Variants in PHLPP1 observed in about 807,000 individuals in gnomAD.
The protein encoded by PHLPP1 is PH domain leucine-rich repeat-containing protein phosphatase 1.
A neutral mutation model predicts 117.2 loss-of-function variants in PHLPP1; 42 were observed. The observed-to-expected ratio is 0.36, with a 90% CI of 0.28 to 0.46. PHLPP1 has a LOEUF of 0.46. Among genes scored for constraint, PHLPP1 ranks in the 20% least tolerant of loss-of-function variants. The pLI is 1.00. For synonymous variants in PHLPP1, 1,042 were observed against 970.7 expected (o/e 1.07, Z -1.37); for missense variants, 2,084 against 2,241.9 (o/e 0.93, Z 1.42).
At chr18:62,898,015 C>CTTCT (rs1555680486) in intron 6 of PHLPP1, among the ~76,000 whole-genome samples, 2 of 144,406 alleles carry the variant, frequency 1.4e-5, no homozygotes, top group African/African-American at 2.5e-5. Flanking sequence ...TTCCTCCTCC[C>CTTCT]TTCTCCTCTT....
At chr18:62,951,194 G>A (rs2144466066) in intron 12 of PHLPP1, among the ~76,000 whole-genome samples, 1 of 152,162 alleles carries the variant, frequency 6.6e-6, no homozygotes, top group African/African-American at 2.4e-5. Flanking sequence ...TGTTAGCCAG[G>A]ATGGTCTCAA....
Position 62,730,333 on chromosome 18 carries a change from C to T in PHLPP1, c.1576+13074C>T, listed in dbSNP as rs535829473. ...TAATGAATGAAAGTGTCTATGACGA[C>T]AGTACTAGTTCTTACACACCATCCC... On this transcript the variant is annotated intron_variant, in intron 1 of 16. Coordinates refer to ENST00000262719, the MANE Select transcript of PHLPP1 (RefSeq NM_194449.4). 1.8e-4 allele frequency among the ~76,000 whole-genome samples: 27 copies of T among 152,230 alleles called. 1 individual carries two copies. The East Asian group carries it at 4.2e-3, about 24-fold the overall frequency.
At chr18:62,753,255 A>T (rs1400754175) in intron 1 of PHLPP1, among the ~76,000 whole-genome samples, 1 of 152,196 alleles carries the variant, frequency 6.6e-6, no homozygotes, top group Non-Finnish European at 1.5e-5. Flanking sequence ...TGGGAAGCTG[A>T]TGACAAAAAA....
intron 3 of PHLPP1, among the ~76,000 whole-genome samples, chr18:62,846,626 G>T (rs1915189781): frequency 6.6e-6 from 1 of 151,542 alleles, no homozygotes; most frequent in Admixed American, 6.6e-5. Flanking sequence ...GTAGAAATAT[G>T]ACTGTAAGTT....
At chr18:62,805,841 A>C (rs1913934008) in intron 1 of PHLPP1, among the ~76,000 whole-genome samples, 1 of 151,836 alleles carries the variant, frequency 6.6e-6, no homozygotes. Flanking sequence ...GGCAGAGGTC[A>C]AGATTCTTTT....
At chr18:62,802,599 A>G (rs1913819321) in intron 1 of PHLPP1, among the ~76,000 whole-genome samples, 1 of 152,244 alleles carries the variant, frequency 6.6e-6, no homozygotes, top group Non-Finnish European at 1.5e-5. Flanking sequence ...GCTAAGTATC[A>G]TAGGTACTTA....
intron 1 of PHLPP1, among the ~76,000 whole-genome samples, chr18:62,726,414 T>A (rs111386574): frequency 0.011 from 1,666 of 152,074 alleles, 30 homozygotes; most frequent in African/African-American, 0.038. Flanking sequence ...CTAAGTCACT[T>A]ATATTTTCTT....
At chr18:62,754,885 A>G (rs1025921591) in intron 1 of PHLPP1, among the ~76,000 whole-genome samples, 1 of 152,176 alleles carries the variant, frequency 6.6e-6, no homozygotes, top group African/African-American at 2.4e-5. Flanking sequence ...AGTCCCAGCT[A>G]CTTGGAAGGG....
intron 13 of PHLPP1, among the ~76,000 whole-genome samples, chr18:62,962,242 G>A (rs1332624460): frequency 6.6e-6 from 1 of 152,230 alleles, no homozygotes; most frequent in East Asian, 1.9e-4. Context: ...GGCACAGAAT[G>A]CTTTCTAGAG....
At chr18:62,954,655 A>C (rs1910562030) in intron 12 of PHLPP1, among the ~76,000 whole-genome samples, 1 of 152,184 alleles carries the variant, frequency 6.6e-6, no homozygotes, top group African/African-American at 2.4e-5. Flanking sequence ...TCCTGTGTGC[A>C]GAAGTATAAA....
rs1909224880 is a variant in PHLPP1 at position 62,915,016 on chromosome 18, T to C, written c.2804+8T>C. The C allele has an allele frequency of 1.9e-6, 3 of 1,586,470 alleles. No homozygotes were observed. The highest frequency in any genetic ancestry group is 2.6e-6 in the Non-Finnish European group (3 of 1,158,326). Reference sequence around the variant, plus strand: ...ATGTGAACTTCCTGCCCGGTGAGTATTACAGATCAAATGAGAGGATCTCAC... The same window carrying C: ...ATGTGAACTTCCTGCCCGGTGAGTACTACAGATCAAATGAGAGGATCTCAC... On this transcript the variant is annotated splice_region_variant and intron_variant, in intron 9 of 16. Coordinates refer to ENST00000262719, the MANE Select transcript of PHLPP1 (RefSeq NM_194449.4).
chr18:62,959,730 C>T (rs1429838518), intron 13 of PHLPP1, among the ~76,000 whole-genome samples: 5 of 152,028 alleles, frequency 3.3e-5, no homozygotes, highest in South Asian at 4.2e-4. Context: ...GTGACTGGTC[C>T]GTTAATACTA....
At position 62,838,695 on chromosome 18, in the gene PHLPP1, A is replaced by T. The variant is rs189417373; in HGVS notation, c.1774-89A>T. 677 of 1,293,866 alleles carry T rather than the reference A, an allele frequency of 5.2e-4. 1 individual carries two copies. The highest frequency in any genetic ancestry group is 5.9e-4 in the Non-Finnish European group (532 of 904,454). 80.1% of individuals were successfully genotyped at this position (1,293,866 alleles called of 1,614,324 possible). A position where few individuals can be genotyped will look rare whatever the true frequency, so the allele number is the denominator to read the frequency against. On this transcript the variant is annotated intron_variant, in intron 2 of 16. Transcript: ENST00000262719. ...TATAGGGAAACATGCAAATCCATGCAGGCTCCTTGATCAGAGGCATAGTTA... is the reference window on the plus strand; with the variant it reads ...TATAGGGAAACATGCAAATCCATGCTGGCTCCTTGATCAGAGGCATAGTTA...
chr18:62,791,769 GA>G (rs1238794679), intron 1 of PHLPP1, among the ~76,000 whole-genome samples: 1 of 152,118 alleles, frequency 6.6e-6, no homozygotes, highest in African/African-American at 2.4e-5. Flanking sequence ...GTCTTCATAG[GA>G]AATAGTGTTC....
intron 10 of PHLPP1, among the ~76,000 whole-genome samples, chr18:62,920,813 G>T (rs1210829011): frequency 5.3e-5 from 8 of 152,050 alleles, no homozygotes. Flanking sequence ...CACCCACCTT[G>T]GCCTCCCAAA....
At position 62,732,208 on chromosome 18, in the gene PHLPP1, A is replaced by G. The variant is rs996445011; in HGVS notation, c.1576+14949A>G. ...AGGACTTTCATAGCTAGAGAGGAGA[A>G]GTCAGTACCTGGCTTCCTTCAAAGG... is the stretch of plus-strand genomic sequence containing the variant. On this transcript the variant is annotated intron_variant, in intron 1 of 16. Coordinates refer to ENST00000262719, the MANE Select transcript of PHLPP1 (RefSeq NM_194449.4). 3.9e-5 allele frequency among the ~76,000 whole-genome samples: 6 copies of G among 152,342 alleles called. No homozygotes were observed. In the South Asian group the frequency reaches 6.2e-4, roughly 16 times the overall value.
At chr18:62,898,452 C>T (rs1916628332) in intron 6 of PHLPP1, among the ~76,000 whole-genome samples, 1 of 152,140 alleles carries the variant, frequency 6.6e-6, no homozygotes, top group Non-Finnish European at 1.5e-5. Flanking sequence ...TGTCTTCTAC[C>T]TGAGCCATTT....
rs1336210510 is a variant in PHLPP1, at chr18:62,751,056, G to A, written c.1576+33797G>A. On this transcript the variant is annotated intron_variant, in intron 1 of 16. Coordinates refer to ENST00000262719, the MANE Select transcript of PHLPP1 (RefSeq NM_194449.4). ...AAACCAACACCAACAAAAAAGCAGT[G>A]TTAGCCACGTTTGATTTTTTCGGTA... is the stretch of plus-strand genomic sequence containing the variant. 2.0e-5 allele frequency among the ~76,000 whole-genome samples: 3 copies of A among 152,166 alleles called. No homozygotes were observed. In the East Asian group the frequency reaches 5.8e-4, roughly 29 times the overall value.
chr18:62,948,652 A>G (rs1415854221), intron 12 of PHLPP1, among the ~76,000 whole-genome samples: 2 of 151,730 alleles, frequency 1.3e-5, no homozygotes, highest in Non-Finnish European at 2.9e-5. Context: ...TTACCAGTAG[A>G]TAGAAGTTTT....
Sources: gnomAD v4.1 joint callset for allele counts (sites outside exome capture counted in the v4.1 genomes callset) on GRCh38, gnomAD v4.1.1 for gene constraint, MANE v1.5 for transcripts, NCBI Gene and HGNC (gene_info 2026-07-23, HGNC 2026-07-21) for gene names.